Variants in METTL8 observed in about 807,000 individuals in gnomAD.
The protein encoded by METTL8 is methyltransferase 8, tRNA N3-cytidine, also known as tRNA N(3)-cytidine methyltransferase METTL8, mitochondrial.
METTL8 carries 32 observed loss-of-function variants against 48.7 expected under a neutral mutation model. The observed-to-expected ratio is 0.66, with a 90% CI of 0.50 to 0.88. The LOEUF is 0.88. METTL8 is among the 40% of genes least tolerant of loss of function. The pLI, the probability that METTL8 is intolerant of heterozygous loss-of-function variation, is 0.00. For missense variants in METTL8, 464 were observed against 474.4 expected (o/e 0.98, Z 0.20); for synonymous variants, 136 against 157.1 (o/e 0.87, Z 1.01).
At chr2:171,394,513 G>C (rs1446094051) in intron 1 of METTL8, among the ~76,000 whole-genome samples, 1 of 152,156 alleles carries the variant, frequency 6.6e-6, no homozygotes, top group Non-Finnish European at 1.5e-5. Flanking sequence ...AGAGAAATGT[G>C]AATCTTGCAG....
intron 3 of METTL8, among the ~76,000 whole-genome samples, chr2:171,341,834 T>TACACACACAC (rs56145145): frequency 8.2e-4 from 121 of 147,298 alleles, no homozygotes; most frequent in African/African-American, 2.9e-3. Context: ...AATATTCATG[T>TACACACACAC]ACACACACAC....
At chr2:171,359,772 C>A (rs2105471121) in intron 3 of METTL8, among the ~76,000 whole-genome samples, 1 of 152,248 alleles carries the variant, frequency 6.6e-6, no homozygotes, top group South Asian at 2.1e-4. Flanking sequence ...GCCACCACGA[C>A]CAGCTAATTT....
intron 2 of METTL8, among the ~76,000 whole-genome samples, chr2:171,361,060 C>G (rs1215698570): frequency 1.3e-5 from 2 of 152,232 alleles, no homozygotes. Context: ...TGATAGAGTA[C>G]TTGATACAGC....
In METTL8 at chr2:171,315,987, G is replaced by A. The variant is rs1339572205; in HGVS notation, c.*8185C>T. On this transcript the variant is annotated 3_prime_UTR_variant, in exon 10 of 10. Coordinates refer to ENST00000375258, the MANE Select transcript of METTL8 (RefSeq NM_001321154.2). ...GACACTGGAGTAGGGGTAAGCCCTGGGTGTGTTGTGTAGTGTGTGACGTAG... is the reference window on the plus strand; with the variant it reads ...GACACTGGAGTAGGGGTAAGCCCTGAGTGTGTTGTGTAGTGTGTGACGTAG... Among the ~76,000 whole-genome samples, 1 of 152,180 alleles carries A rather than the reference G, an allele frequency of 6.6e-6. No individual in the cohort carries two copies. Among genetic ancestry groups the A allele is most frequent in the Non-Finnish European group, 1.5e-5 (1 of 68,032 alleles).
intron 1 of METTL8, among the ~76,000 whole-genome samples, chr2:171,402,564 G>A (rs1049214561): frequency 1.3e-5 from 2 of 152,000 alleles, no homozygotes; most frequent in South Asian, 2.1e-4. Context: ...ATATACATAC[G>A]TTATATATAG....
upstream of METTL8, chr2:171,434,256 G>A (rs1476614574): frequency 9.8e-6 from 5 of 510,214 alleles, no homozygotes; most frequent in African/African-American, 3.9e-5. Context: ...GAGGCACTAG[G>A]AACTACATTT....
At position 171,320,272 on chromosome 2, in the gene METTL8, G is replaced by A. The variant is rs1346078486; in HGVS notation, c.*3900C>T. On this transcript the variant is annotated 3_prime_UTR_variant, in exon 10 of 10. Transcript: ENST00000375258. Reference sequence around the variant, plus strand: ...GGAAATGGCCCTGCTGCGCAGCCATGTGGAATAGGAAGGCTATGCTGGACA... The same window carrying A: ...GGAAATGGCCCTGCTGCGCAGCCATATGGAATAGGAAGGCTATGCTGGACA... The A allele has an allele frequency of 6.6e-6, 1 of 152,072 alleles. No homozygotes were observed. The highest frequency in any genetic ancestry group is 1.5e-5 in the Non-Finnish European group (1 of 68,014). 9.4% of individuals were successfully genotyped at this position (152,072 alleles called of 1,614,324 possible).
chr2:171,430,114 T>G (rs1178768408), intron 1 of METTL8, among the ~76,000 whole-genome samples: 5 of 151,660 alleles, frequency 3.3e-5, no homozygotes, highest in Admixed American at 3.3e-4. Flanking sequence ...TCCCAGCACT[T>G]TGGGAGGCCA....
At chr2:171,383,068 T>C (rs924368123) in intron 2 of METTL8, among the ~76,000 whole-genome samples, 14 of 151,996 alleles carry the variant, frequency 9.2e-5, no homozygotes, top group Non-Finnish European at 2.9e-5. Flanking sequence ...AGCAAGACTC[T>C]GTGTGAAAAA....
At chr2:171,388,423 C>G (rs1688279276) in intron 2 of METTL8, among the ~76,000 whole-genome samples, 1 of 152,226 alleles carries the variant, frequency 6.6e-6, no homozygotes, top group Admixed American at 6.5e-5. Context: ...CCAACCTTAT[C>G]TTTCACCAAT....
intron 3 of METTL8, among the ~76,000 whole-genome samples, chr2:171,349,232 A>T (rs1209716992): frequency 2.0e-5 from 3 of 152,194 alleles, no homozygotes; most frequent in African/African-American, 7.2e-5. Context: ...AAAATTATAT[A>T]CACATTGGGT....
At chr2:171,419,937 T>C (rs1691707165) in intron 1 of METTL8, among the ~76,000 whole-genome samples, 1 of 152,100 alleles carries the variant, frequency 6.6e-6, no homozygotes, top group South Asian at 2.1e-4. Flanking sequence ...AAACAGAGAA[T>C]GTACTGTATA....
chr2:171,392,328 G>C, intron 1 of METTL8, 131 bp from the exon 2 acceptor site: 1 of 670,764 alleles, frequency 1.5e-6, no homozygotes, highest in Non-Finnish European at 2.4e-6. Context: ...TTTAATGAAA[G>C]ATGAGCATAA....
rs140695395 is a variant in METTL8 at position 171,350,204 on chromosome 2, T to C, written c.235+10218A>G. On this transcript the variant is annotated intron_variant, in intron 3 of 9. Transcript: ENST00000375258. ...TTCAATTCCCACCTATGAGTGAGAA[T>C]ATGTGGTGTTTGCTTTTCTGTCCTC... Among the ~76,000 whole-genome samples the C allele has an allele frequency of 1.9e-3, 291 of 152,248 alleles. 6 individuals carry two copies. The East Asian group carries it at 0.029, about 15-fold the overall frequency.
chr2:171,393,176 T>C (rs1688740858), intron 1 of METTL8, among the ~76,000 whole-genome samples: 1 of 151,838 alleles, frequency 6.6e-6, no homozygotes, highest in South Asian at 2.1e-4. Flanking sequence ...ATCCCAACAT[T>C]TTGGGAGGCC....
chr2:171,362,335 G>A lies in METTL8; in HGVS notation c.144-1822C>T, dbSNP rs147108667. Among the ~76,000 whole-genome samples, 35 of 152,192 alleles carry A rather than the reference G, an allele frequency of 2.3e-4. No individual in the cohort carries two copies. In the East Asian group the frequency reaches 6.4e-3, roughly 28 times the overall value. On this transcript the variant is annotated intron_variant, in intron 2 of 9. Transcript: ENST00000375258. ...GAAATTAAGACCTAGAGATTAACTA[G>A]ATATTGGAGTAGAAGTGTAAGAGTC...
chr2:171,410,100 A>T (rs577669089), intron 1 of METTL8, among the ~76,000 whole-genome samples: 1 of 152,360 alleles, frequency 6.6e-6, no homozygotes, highest in South Asian at 2.1e-4. Context: ...TTATGTTCTT[A>T]ATCTCCAAGG....
intron 4 of METTL8, among the ~76,000 whole-genome samples, chr2:171,338,439 A>C (rs1575751625): frequency 6.6e-6 from 1 of 152,030 alleles, no homozygotes; most frequent in Non-Finnish European, 1.5e-5. Context: ...GGAGTTCAAA[A>C]CCAGCCTGGC....
rs554271837 is a variant in METTL8 at position 171,403,447 on chromosome 2, A to C, written c.-12-11250T>G. ...ACTGTCAAGGTCATCAAAAACAAAG[A>C]AAGTCTGAGAAACTGCCAGAGCCAA... On this transcript the variant is annotated intron_variant, in intron 1 of 9. Transcript: ENST00000375258. 2.6e-5 allele frequency among the ~76,000 whole-genome samples: 4 copies of C among 152,252 alleles called. No individual in the cohort carries two copies. The South Asian group carries it at 8.3e-4, about 32-fold the overall frequency.
Sources: allele counts gnomAD v4.1 joint callset (sites outside exome capture counted in the v4.1 genomes callset), GRCh38; gene constraint gnomAD v4.1.1; transcripts MANE v1.5; gene names NCBI Gene and HGNC (gene_info 2026-07-23, HGNC 2026-07-21).